The following RSU1 variants were observed in gnomAD, a reference collection of about 807,000 sequenced individuals.
The protein encoded by RSU1 is rsu-1.
In RSU1, 26 loss-of-function variants were observed where a neutral mutation model predicts 31.1. The observed-to-expected ratio is 0.84, with a 90% CI of 0.61 to 1.16. RSU1 has a LOEUF of 1.16. Ranked by LOEUF, RSU1 falls within the 50% of genes most tolerant of loss-of-function variation. The pLI is 0.00. For synonymous variants in RSU1, 164 were observed against 136.3 expected (o/e 1.20, Z -1.41); for missense variants, 320 against 339.1 (o/e 0.94, Z 0.44).
At chr10:16,816,117 G>A (rs113366681) in intron 2 of RSU1, among the ~76,000 whole-genome samples, 41 of 152,180 alleles carry the variant, frequency 2.7e-4, no homozygotes, top group African/African-American at 9.4e-4. Context: ...ACTTATCACA[G>A]GTTTTTCAAA....
At chr10:16,747,795 G>A (rs1478187351) in intron 7 of RSU1, among the ~76,000 whole-genome samples, 3 of 152,342 alleles carry the variant, frequency 2.0e-5, no homozygotes, top group African/African-American at 7.2e-5. Context: ...TGCTTCAGGA[G>A]GCTGAGGCAG....
At chr10:16,703,363 C>G (rs1286659334) in intron 7 of RSU1, among the ~76,000 whole-genome samples, 1 of 152,216 alleles carries the variant, frequency 6.6e-6, no homozygotes, top group African/African-American at 2.4e-5. Context: ...CACCTCTTCT[C>G]TGAAAAGCAA....
At chr10:16,711,895 A>G (rs568410906) in intron 7 of RSU1, among the ~76,000 whole-genome samples, 1 of 152,288 alleles carries the variant, frequency 6.6e-6, no homozygotes, top group East Asian at 1.9e-4. Context: ...TGCTAGGTGC[A>G]TTAGGTCTTT....
At chr10:16,700,024 T>G (rs868239679) in intron 7 of RSU1, among the ~76,000 whole-genome samples, 10 of 152,340 alleles carry the variant, frequency 6.6e-5, no homozygotes, top group South Asian at 2.1e-4. Flanking sequence ...TAAATGTGAC[T>G]GAATGCAATA....
intron 2 of RSU1, among the ~76,000 whole-genome samples, chr10:16,806,025 T>C (rs1376434124): frequency 3.3e-5 from 5 of 152,248 alleles, no homozygotes; most frequent in South Asian, 2.1e-4. Context: ...CTACTGATAA[T>C]GTTTCTTGCT....
chr10:16,815,463 G>A (rs1414813538), intron 2 of RSU1, among the ~76,000 whole-genome samples: 1 of 152,068 alleles, frequency 6.6e-6, no homozygotes, highest in Non-Finnish European at 1.5e-5. Flanking sequence ...GCCTTTCAGG[G>A]TCTCCTGAAC....
chr10:16,792,992 GAC>G (rs957281167), intron 2 of RSU1, among the ~76,000 whole-genome samples: 20 of 152,220 alleles, frequency 1.3e-4, no homozygotes, highest in African/African-American at 4.6e-4. Flanking sequence ...TTGGTAGTAG[GAC>G]ACAGATTCTG....
At chr10:16,676,190 T>C (rs750900928) in intron 8 of RSU1, among the ~76,000 whole-genome samples, 4 of 152,246 alleles carry the variant, frequency 2.6e-5, no homozygotes, top group African/African-American at 4.8e-5. Context: ...TCCATTTTCA[T>C]ACTGCTATGA....
intron 3 of RSU1, among the ~76,000 whole-genome samples, chr10:16,767,934 C>T (rs1418255490): frequency 2.0e-5 from 3 of 152,138 alleles, no homozygotes; most frequent in African/African-American, 7.2e-5. Context: ...CCTATACATA[C>T]GTGGCGGGAA....
intron 3 of RSU1, among the ~76,000 whole-genome samples, chr10:16,778,797 G>A (rs1190145077): frequency 1.3e-5 from 2 of 152,208 alleles, no homozygotes; most frequent in African/African-American, 2.4e-5. Flanking sequence ...ATGGAGAGGA[G>A]AGGCTGGCAT....
rs1838006242 is a variant in RSU1 at position 16,795,315 on chromosome 10, C to T, written c.110-13231G>A. Reference sequence around the variant, plus strand: ...GTTGCAGTGAGCCGAGATCGCGCCACTGCACCCAAGCCTGGGCGACAGAGT... The same window carrying T: ...GTTGCAGTGAGCCGAGATCGCGCCATTGCACCCAAGCCTGGGCGACAGAGT... On this transcript the variant is annotated intron_variant, in intron 2 of 8. Coordinates refer to ENST00000345264, the MANE Select transcript of RSU1 (RefSeq NM_012425.4). 2.9e-5 allele frequency among the ~76,000 whole-genome samples: 4 copies of T among 139,172 alleles called. No homozygotes were observed. In the Admixed American group the frequency reaches 3.2e-4, roughly 11 times the overall value. 91.3% of individuals were successfully genotyped at this position (139,172 alleles called of 152,430 possible).
intron 2 of RSU1, among the ~76,000 whole-genome samples, chr10:16,816,763 T>G (rs1226737931): frequency 6.6e-6 from 1 of 152,220 alleles, no homozygotes; most frequent in Non-Finnish European, 1.5e-5. Flanking sequence ...GTCTGTGTGA[T>G]TCTCATCGTG....
At chr10:16,635,535 T>C (rs181488389) in intron 8 of RSU1, among the ~76,000 whole-genome samples, 1 of 152,366 alleles carries the variant, frequency 6.6e-6, no homozygotes, top group African/African-American at 2.4e-5. Context: ...GCTGGGACTC[T>C]GGCCAAGGCC....
At chr10:16,706,439 C>A (rs1461188249) in intron 7 of RSU1, among the ~76,000 whole-genome samples, 1 of 152,114 alleles carries the variant, frequency 6.6e-6, no homozygotes, top group Non-Finnish European at 1.5e-5. Flanking sequence ...CATTTTTCAA[C>A]TGGGTTGTGT....
intron 2 of RSU1, among the ~76,000 whole-genome samples, chr10:16,783,290 A>G (rs1837696448): frequency 6.6e-6 from 1 of 151,874 alleles, no homozygotes; most frequent in Admixed American, 6.6e-5. Flanking sequence ...AATTTTTCTC[A>G]GGAAGGGTCT....
At chr10:16,657,966 G>A (rs769308873) in intron 8 of RSU1, among the ~76,000 whole-genome samples, 24 of 151,848 alleles carry the variant, frequency 1.6e-4, no homozygotes, top group Non-Finnish European at 2.8e-4. Flanking sequence ...CTCCAGCCTG[G>A]GGAACAGAGC....
chr10:16,614,773 A>G (rs1268569092), intron 8 of RSU1, among the ~76,000 whole-genome samples: 3 of 152,208 alleles, frequency 2.0e-5, no homozygotes, highest in Non-Finnish European at 4.4e-5. Flanking sequence ...AGGACTCACT[A>G]AGGAATAGAT....
chr10:16,666,967 C>T (rs1325229633), intron 8 of RSU1, among the ~76,000 whole-genome samples: 2 of 151,988 alleles, frequency 1.3e-5, no homozygotes, highest in Non-Finnish European at 2.9e-5. Context: ...CTGCTGCACT[C>T]CAGCCTGGGC....
intron 8 of RSU1, among the ~76,000 whole-genome samples, chr10:16,646,840 C>T (rs1315086888): frequency 8.5e-5 from 13 of 152,206 alleles, no homozygotes; most frequent in Admixed American, 8.5e-4. Flanking sequence ...AGACATCACA[C>T]TGGTGTGAAA....
Sources: gnomAD v4.1 joint callset for allele counts (sites outside exome capture counted in the v4.1 genomes callset) on GRCh38, gnomAD v4.1.1 for gene constraint, MANE v1.5 for transcripts, NCBI Gene and HGNC (gene_info 2026-07-23, HGNC 2026-07-21) for gene names.